MACROD2: variants seen among roughly 807,000 people sequenced by gnomAD.
MACROD2 encodes mono-ADP ribosylhydrolase 2.
A neutral mutation model predicts 70.4 loss-of-function variants in MACROD2; 36 were observed. The observed-to-expected ratio is 0.51, with a 90% CI of 0.39 to 0.68. The LOEUF is 0.68. MACROD2 is among the 30% of genes least tolerant of loss of function. The pLI is 0.00. For missense variants in MACROD2, 496 were observed against 538.4 expected (o/e 0.92, Z 0.78); for synonymous variants, 172 against 178.8 (o/e 0.96, Z 0.30).
chr20:15,597,021 T>C (rs957225968), intron 8 of MACROD2, among the ~76,000 whole-genome samples: 1 of 152,236 alleles, frequency 6.6e-6, no homozygotes, highest in Non-Finnish European at 1.5e-5. Context: ...AAAGGTATGA[T>C]CCCTTAAAGA....
chr20:14,099,503 T>C (rs1704245159), intron 3 of MACROD2, among the ~76,000 whole-genome samples: 1 of 152,206 alleles, frequency 6.6e-6, no homozygotes, highest in Admixed American at 6.5e-5. Context: ...TGGTTATAGA[T>C]GTAGATGATT....
chr20:15,425,953 C>A (rs2046291219), intron 6 of MACROD2, among the ~76,000 whole-genome samples: 1 of 152,160 alleles, frequency 6.6e-6, no homozygotes, highest in Non-Finnish European at 1.5e-5. Flanking sequence ...GGCTGAGGAG[C>A]ATTTCCTTCC....
At chr20:14,459,389 A>G (rs1354311201) in intron 3 of MACROD2, among the ~76,000 whole-genome samples, 3 of 152,040 alleles carry the variant, frequency 2.0e-5, no homozygotes, top group African/African-American at 4.8e-5. Flanking sequence ...GAGAAGTGAC[A>G]TCGGAAGAAA....
intron 5 of MACROD2, among the ~76,000 whole-genome samples, chr20:15,138,544 A>G (rs949783234): frequency 6.6e-6 from 1 of 152,184 alleles, no homozygotes; most frequent in South Asian, 2.1e-4. Flanking sequence ...TTATTTGCTC[A>G]GCTAGATTGG....
At chr20:14,775,491 C>A (rs1441927675) in intron 5 of MACROD2, among the ~76,000 whole-genome samples, 1 of 151,832 alleles carries the variant, frequency 6.6e-6, no homozygotes, top group Non-Finnish European at 1.5e-5. Context: ...GTACCATATT[C>A]TTTTTTAACA....
intron 6 of MACROD2, among the ~76,000 whole-genome samples, chr20:15,396,225 C>T (rs1211694683): frequency 6.6e-6 from 1 of 152,192 alleles, no homozygotes; most frequent in African/African-American, 2.4e-5. Context: ...ATGAAGATAA[C>T]TCACATGTAT....
intron 7 of MACROD2, among the ~76,000 whole-genome samples, chr20:15,469,114 A>G (rs922641310): frequency 4.6e-5 from 7 of 152,234 alleles, no homozygotes; most frequent in Non-Finnish European, 1.0e-4. Context: ...ACACTGACAT[A>G]CGTTCTGTGA....
At chr20:14,865,849 G>A (rs1186823149) in intron 5 of MACROD2, among the ~76,000 whole-genome samples, 1 of 152,016 alleles carries the variant, frequency 6.6e-6, no homozygotes, top group Non-Finnish European at 1.5e-5. Context: ...GATTTATATG[G>A]CACTGCTTTT....
chr20:15,916,692 C>A (rs1443168749), intron 10 of MACROD2, among the ~76,000 whole-genome samples: 1 of 152,210 alleles, frequency 6.6e-6, no homozygotes, highest in Admixed American at 6.5e-5. Context: ...CATCTGAAGT[C>A]TTGGAATCAG....
intron 2 of MACROD2, among the ~76,000 whole-genome samples, chr20:14,078,408 T>TTTTG (rs1281459939): frequency 6.6e-6 from 1 of 152,132 alleles, no homozygotes; most frequent in African/African-American, 2.4e-5. Context: ...TGAATTCTTT[T>TTTTG]TTTGTTTGTT....
chr20:14,796,440 A>G (rs2072511000), intron 5 of MACROD2, among the ~76,000 whole-genome samples: 1 of 152,090 alleles, frequency 6.6e-6, no homozygotes, highest in African/African-American at 2.4e-5. Context: ...TTTTCACTCA[A>G]TGTCAATTTA....
chr20:15,548,396 G>A (rs1210275282), intron 8 of MACROD2, among the ~76,000 whole-genome samples: 2 of 151,584 alleles, frequency 1.3e-5, no homozygotes, highest in South Asian at 4.2e-4. Context: ...GCTTTTTTTT[G>A]TTTTGTTTTG....
intron 8 of MACROD2, among the ~76,000 whole-genome samples, chr20:15,583,627 GTTTT>G (rs1300198307): frequency 6.6e-6 from 1 of 151,744 alleles, no homozygotes; most frequent in African/African-American, 2.4e-5. Flanking sequence ...CATGCCATGT[GTTTT>G]TTGTTTTTGT....
chr20:15,039,926 C>A (rs912601555), intron 5 of MACROD2, among the ~76,000 whole-genome samples: 1 of 152,088 alleles, frequency 6.6e-6, no homozygotes, highest in African/African-American at 2.4e-5. Flanking sequence ...AGGTAGGTGT[C>A]TGAGTCCTTG....
chr20:15,689,101 C>T (rs570146263), intron 8 of MACROD2, among the ~76,000 whole-genome samples: 23 of 152,220 alleles, frequency 1.5e-4, no homozygotes, highest in Admixed American at 1.0e-3. Context: ...GTCAGGAGTT[C>T]GAGACCAGCC....
chr20:15,018,851 T>C (rs879262949), intron 5 of MACROD2, among the ~76,000 whole-genome samples: 2 of 152,114 alleles, frequency 1.3e-5, no homozygotes, highest in Non-Finnish European at 2.9e-5. Flanking sequence ...CTCAATCCAA[T>C]CAAGTTGACA....
chr20:14,803,708 T>A (rs1172219792), intron 5 of MACROD2, among the ~76,000 whole-genome samples: 4 of 152,044 alleles, frequency 2.6e-5, no homozygotes, highest in Non-Finnish European at 5.9e-5. Flanking sequence ...CTGGAACCCC[T>A]GACCTCAGGC....
chr20:14,547,584 G>A (rs1285986644), intron 4 of MACROD2: 1 of 154,464 alleles, frequency 6.5e-6, no homozygotes, highest in East Asian at 1.9e-4. Flanking sequence ...CTAGCCTGGT[G>A]GGACTGAGAT....
At chr20:15,853,688 C>G (rs185077095) in intron 8 of MACROD2, among the ~76,000 whole-genome samples, 166 of 152,154 alleles carry the variant, frequency 1.1e-3, no homozygotes, top group African/African-American at 3.4e-3. Context: ...ATTCTACCAC[C>G]AATGAAAAGG....
Sources: allele counts gnomAD v4.1 joint callset (sites outside exome capture counted in the v4.1 genomes callset), GRCh38; gene constraint gnomAD v4.1.1; transcripts MANE v1.5; gene names NCBI Gene and HGNC (gene_info 2026-07-23, HGNC 2026-07-21).